Variants in UPF2 observed in about 807,000 individuals in gnomAD.
The protein encoded by UPF2 is regulator of nonsense transcripts 2.
UPF2 carries 17 observed loss-of-function variants against 141.4 expected under a neutral mutation model. The observed-to-expected ratio is 0.12, with a 90% CI of 0.08 to 0.18. The LOEUF (loss-of-function observed/expected upper bound fraction) is 0.18, where lower values mean the gene tolerates loss of function less well. Ranked by LOEUF, UPF2 falls within the 10% of genes least tolerant of loss-of-function variation. The pLI, the probability that UPF2 is intolerant of heterozygous loss-of-function variation, is 1.00. For synonymous variants in UPF2, 540 were observed against 498.0 expected (o/e 1.08, Z -1.12); for missense variants, 1,152 against 1,515.9 (o/e 0.76, Z 3.99).
Position 11,920,242 on chromosome 10 carries a change from T to C in UPF2, c.*1056A>G, listed in dbSNP as rs192069863. On this transcript the variant is annotated 3_prime_UTR_variant, in exon 22 of 22. Coordinates refer to ENST00000357604, the MANE Select transcript of UPF2 (RefSeq NM_015542.4). The stretch of plus-strand genomic sequence containing the variant: ...TACAGATGTGCTCTCCGACTAAATA[T>C]ACTACGCCTGCTGGAAAGCAAACCA... The C allele has an allele frequency of 1.3e-5, 2 of 152,170 alleles. No individual in the cohort carries two copies. The highest frequency in any genetic ancestry group is 1.3e-4 in the Admixed American group (2 of 15,286). 9.4% of individuals were successfully genotyped at this position (152,170 alleles called of 1,614,324 possible).
In UPF2 at chr10:12,035,135, G is replaced by A. The variant is rs1251865953; in HGVS notation, c.289C>T (p.His97Tyr). The change falls in exon 2 of 22, where the codon CAT becomes TAT. Residue 97 changes from histidine (H) to tyrosine (Y), a missense_variant. His to Tyr is a moderately conservative substitution (Grantham distance 83, BLOSUM62 2). This residue lies in a region of UPF2 where 145 missense variants were observed against 136.5 expected (regional missense o/e 1.06). Transcript: ENST00000357604. ...TGCTTCTTTCTCTCTTCCTCTTGAT[G>A]TTTCTTTTTTTCTTCCTCTTCTTTT... ...KKKEEEEKKK[H>Y]QEEERKKQEE... The A allele has an allele frequency of 6.3e-7, 1 of 1,599,264 alleles. No homozygotes were observed. The highest frequency in any genetic ancestry group is 8.5e-7 in the Non-Finnish European group (1 of 1,176,962).
rs202148909 is a variant in UPF2 at position 12,039,608 on chromosome 10, GTCTC to G, written c.-19+3143_-19+3146del. The stretch of plus-strand genomic sequence containing the variant: ...GAATGGCATCAGAACTTACAATTAT[GTCTC>G]TCTCTCTCTCTTTTTTTTTTTTTTT... On this transcript the variant is annotated intron_variant, in intron 1 of 21. Transcript: ENST00000357604. Among the ~76,000 whole-genome samples the G allele has an allele frequency of 6.0e-3, 879 of 146,958 alleles. 3 individuals are homozygous for G. The highest frequency in any genetic ancestry group is 0.013 in the African/African-American group (540 of 40,628).
chr10:12,031,929 A>T (rs1834531146), intron 2 of UPF2, among the ~76,000 whole-genome samples: 2 of 152,234 alleles, frequency 1.3e-5, no homozygotes, highest in Admixed American at 1.3e-4. Flanking sequence ...GAACATGGAC[A>T]GTTGAGTATC....
chr10:11,991,460 A>T (rs940675186), intron 8 of UPF2, among the ~76,000 whole-genome samples: 4 of 152,216 alleles, frequency 2.6e-5, no homozygotes, highest in African/African-American at 7.2e-5. Context: ...AATAAATTTT[A>T]AAAATTCCCT....
At chr10:11,963,477 C>T (rs1308538778) in intron 11 of UPF2, among the ~76,000 whole-genome samples, 2 of 152,174 alleles carry the variant, frequency 1.3e-5, no homozygotes, top group African/African-American at 4.8e-5. Context: ...GTTGGGACTA[C>T]AGGAAAGCAT....
Position 11,950,639 on chromosome 10 carries a change from T to A in UPF2, c.3034+1427A>T, listed in dbSNP as rs150499273. Among the ~76,000 whole-genome samples, 237 of 152,328 alleles carry A rather than the reference T, an allele frequency of 1.6e-3. 1 individual carries two copies. Among genetic ancestry groups the A allele is most frequent in the African/African-American group, 5.3e-3 (219 of 41,576 alleles). On this transcript the variant is annotated intron_variant, in intron 15 of 21. Coordinates refer to ENST00000357604, the MANE Select transcript of UPF2 (RefSeq NM_015542.4). ...CACTAATATTTACTCATGTCCACTA[T>A]ACAGAGAATACCATTCATGCAGGTT...
rs559145941 is a variant in UPF2, at chr10:12,001,844, G to C, written c.1505-19C>G. The C allele has an allele frequency of 5.1e-6, 8 of 1,564,306 alleles. No individual in the cohort carries two copies. The highest frequency in any genetic ancestry group is 6.9e-6 in the Non-Finnish European group (8 of 1,157,926). On this transcript the variant is annotated intron_variant, in intron 5 of 21. Transcript: ENST00000357604. ...TTTGCCTCTGTTGAAAAACAAACAAGTATACCTAAATTCAAAGTCATATGA... is the reference window on the plus strand; with the variant it reads ...TTTGCCTCTGTTGAAAAACAAACAACTATACCTAAATTCAAAGTCATATGA...
Position 11,979,171 on chromosome 10 carries a change from A to G in UPF2, c.1845-6T>C. The G allele has an allele frequency of 1.9e-6, 3 of 1,606,906 alleles. No homozygotes were observed. Among genetic ancestry groups the G allele is most frequent in the East Asian group, 2.2e-5 (1 of 44,808 alleles). Reference sequence around the variant, plus strand: ...AAAATGGTAGCAAATCCAACCTGCAAAAGTTATATGTGATATGTGTCAAAG... The same window carrying G: ...AAAATGGTAGCAAATCCAACCTGCAGAAGTTATATGTGATATGTGTCAAAG... On this transcript the variant is annotated splice_polypyrimidine_tract_variant and splice_region_variant and intron_variant, in intron 8 of 21. Coordinates refer to ENST00000357604, the MANE Select transcript of UPF2 (RefSeq NM_015542.4). The surrounding 1 kb of genome is among the most constrained non-coding windows in gnomAD (Gnocchi z 6.2).
intron 15 of UPF2, among the ~76,000 whole-genome samples, chr10:11,951,812 T>A (rs555568316): frequency 6.6e-6 from 1 of 151,066 alleles, no homozygotes; most frequent in Non-Finnish European, 1.5e-5. Context: ...GGATTGTGGG[T>A]TTTTTTTCCC....
At chr10:11,927,854 G>A (rs1172674299) in intron 21 of UPF2, among the ~76,000 whole-genome samples, 1 of 152,146 alleles carries the variant, frequency 6.6e-6, no homozygotes, top group East Asian at 1.9e-4. Flanking sequence ...TATGTTCAGT[G>A]ATGTCCAGTG....
chr10:12,011,177 G>T (rs113558097), intron 4 of UPF2, among the ~76,000 whole-genome samples: 1 of 152,258 alleles, frequency 6.6e-6, no homozygotes, highest in Non-Finnish European at 1.5e-5. Flanking sequence ...ATTTTTTGTA[G>T]AGACAGGGTC....
Position 11,935,008 on chromosome 10 carries a change from G to A in UPF2, c.3546+1537C>T, listed in dbSNP as rs773125182. ...CACTTGTATACTGCACAAGTATAGT[G>A]CACAATTTTGATCTCGGTGTACATG... On this transcript the variant is annotated intron_variant, in intron 19 of 21. Coordinates refer to ENST00000357604, the MANE Select transcript of UPF2 (RefSeq NM_015542.4). This position sits in a 1 kb window ranked among gnomAD's most constrained non-coding sequence, Gnocchi z 4.9. 9.9e-5 allele frequency among the ~76,000 whole-genome samples: 15 copies of A among 151,878 alleles called. No homozygotes were observed. The highest frequency in any genetic ancestry group is 1.9e-4 in the Non-Finnish European group (13 of 67,974).
At chr10:12,034,914 T>C (rs1236429805) in intron 2 of UPF2, 145 bp downstream of exon 2, 10 of 1,239,552 alleles carry the variant, frequency 8.1e-6, no homozygotes, top group African/African-American at 1.5e-5. Flanking sequence ...CTCTAGTCAG[T>C]GAAACTAACA....
intron 5 of UPF2, among the ~76,000 whole-genome samples, chr10:12,003,994 T>C (rs1833994534): frequency 6.7e-6 from 1 of 150,294 alleles, no homozygotes; most frequent in Admixed American, 6.7e-5. Context: ...TAGGAGGTAT[T>C]ACAGTAACCC....
chr10:11,934,737 A>C lies in UPF2; in HGVS notation c.3546+1808T>G, dbSNP rs548135572. 5.1e-4 allele frequency among the ~76,000 whole-genome samples: 78 copies of C among 152,150 alleles called. No individual in the cohort carries two copies. In the South Asian group the frequency reaches 0.011, roughly 22 times the overall value. ...CCTGAGTAGCTGGGATTACAGGCAC[A>C]CGCCACCAAGCCTGGCTAATTTTTG... is the stretch of plus-strand genomic sequence containing the variant. On this transcript the variant is annotated intron_variant, in intron 19 of 21. Coordinates refer to ENST00000357604, the MANE Select transcript of UPF2 (RefSeq NM_015542.4).
chr10:11,985,216 C>T (rs558267727), intron 8 of UPF2, among the ~76,000 whole-genome samples: 19 of 152,228 alleles, frequency 1.2e-4, no homozygotes, highest in Non-Finnish European at 2.8e-4. Context: ...ACAGTTGATA[C>T]AAAATACCAC....
chr10:11,960,787 A>G, intron 11 of UPF2, among the ~76,000 whole-genome samples: 1 of 151,704 alleles, frequency 6.6e-6, no homozygotes, highest in East Asian at 1.9e-4. Flanking sequence ...AAAAAAAAAA[A>G]TAAGAAAGAA....
At chr10:11,934,517 G>A (rs1832821023) in intron 19 of UPF2, among the ~76,000 whole-genome samples, 2 of 152,214 alleles carry the variant, frequency 1.3e-5, no homozygotes, top group Admixed American at 1.3e-4. Context: ...CTCTGATCCT[G>A]TCAAAGTTAA....
chr10:11,991,031 A>G (rs1282104624), intron 8 of UPF2, among the ~76,000 whole-genome samples: 1 of 151,872 alleles, frequency 6.6e-6, no homozygotes, highest in Non-Finnish European at 1.5e-5. Context: ...AACAAAGCTG[A>G]GCAAATCTAA....
Sources: gnomAD v4.1 joint callset for allele counts (sites outside exome capture counted in the v4.1 genomes callset) on GRCh38, gnomAD v4.1.1 for gene constraint, gnomAD v4.1.1 regional missense constraint, Gnocchi (gnomAD v3.1) non-coding constraint, MANE v1.5 for transcripts, NCBI Gene and HGNC (gene_info 2026-07-23, HGNC 2026-07-21) for gene names.